Variants in GREM2 observed in about 807,000 individuals in gnomAD.
GREM2 encodes the protein gremlin-2.
GREM2 carries 11 observed loss-of-function variants against 14.2 expected under a neutral mutation model. The ratio of observed to expected loss-of-function variants is 0.78; its 90% CI spans 0.49 to 1.28. The LOEUF is 1.28. GREM2 is among the 50% of genes most tolerant of loss of function. The probability of loss-of-function intolerance (pLI) is 0.00; values close to 1 mark genes in which losing one functional copy is unlikely to be tolerated. For missense variants in GREM2, 210 were observed against 218.5 expected (o/e 0.96, Z 0.24); for synonymous variants, 98 against 97.6 (o/e 1.00, Z -0.02).
chr1:240,587,746 T>C (rs1452165232), intron 1 of GREM2, among the ~76,000 whole-genome samples: 2 of 152,232 alleles, frequency 1.3e-5, no homozygotes. Context: ...CTATAATGAA[T>C]GGCACTCTTA....
At chr1:240,576,682 T>C (rs956179913) in intron 1 of GREM2, among the ~76,000 whole-genome samples, 2 of 152,162 alleles carry the variant, frequency 1.3e-5, no homozygotes, top group South Asian at 4.1e-4. Context: ...CCTTTTAAAC[T>C]TAACTCTTTG....
rs982786201 is a variant in GREM2 at position 240,493,086 on chromosome 1, G to A, written c.390C>T (p.Ser130=). The part of the protein sequence containing the change: ...CAFCKPQRVT[S]VLVELECPGL... ...CGGGGCACTCGAGCTCCACGAGGAC[G>A]GAGGTGACGCGCTGGGGCTTGCAGA... The change falls in exon 2 of 2, where the codon TCC becomes TCT. Residue 130 remains serine (S), a synonymous_variant. Coordinates refer to ENST00000318160, the MANE Select transcript of GREM2 (RefSeq NM_022469.4). 21 of 1,613,912 alleles carry A rather than the reference G, an allele frequency of 1.3e-5. No homozygotes were observed. The highest frequency in any genetic ancestry group is 1.7e-5 in the Non-Finnish European group (20 of 1,179,804).
intron 1 of GREM2, among the ~76,000 whole-genome samples, chr1:240,596,842 T>G (rs1051397411): frequency 1.3e-5 from 2 of 152,156 alleles, no homozygotes; most frequent in Non-Finnish European, 2.9e-5. Context: ...AAACTTACGC[T>G]CTGATAGAAA....
chr1:240,492,698 G>T lies in GREM2; in HGVS notation c.*271C>A. 3.6e-6 allele frequency: 1 copy of T among 280,596 alleles called. No homozygotes were observed. Among genetic ancestry groups the T allele is most frequent in the East Asian group, 6.4e-5 (1 of 15,624 alleles). 17.4% of individuals were successfully genotyped at this position (280,596 alleles called of 1,614,324 possible). A position where few individuals can be genotyped will look rare whatever the true frequency, so the allele number is the denominator to read the frequency against. On this transcript the variant is annotated 3_prime_UTR_variant, in exon 2 of 2. Transcript: ENST00000318160. The stretch of plus-strand genomic sequence containing the variant: ...CCTCTCTGACTGCTGGGTGGCGGTG[G>T]TGGTTTTCCAGCATTTTCCTTCGGG...
intron 1 of GREM2, among the ~76,000 whole-genome samples, chr1:240,545,223 G>A (rs906575590): frequency 5.9e-5 from 9 of 152,170 alleles, no homozygotes; most frequent in Non-Finnish European, 1.2e-4. Flanking sequence ...AATAACCAGC[G>A]ACTTAATCAA....
At chr1:240,599,347 T>C (rs1679876362) in intron 1 of GREM2, among the ~76,000 whole-genome samples, 1 of 151,914 alleles carries the variant, frequency 6.6e-6, no homozygotes, top group African/African-American at 2.4e-5. Flanking sequence ...CCCAGGTGGC[T>C]GCCTGGTTCT....
At chr1:240,545,496 A>C (rs1210771706) in intron 1 of GREM2, among the ~76,000 whole-genome samples, 1 of 42,414 alleles carries the variant, frequency 2.4e-5, no homozygotes, top group East Asian at 9.8e-4. Context: ...AAAATTGTAC[A>C]AATTGTACAA....
intron 1 of GREM2, among the ~76,000 whole-genome samples, chr1:240,511,474 G>C (rs1186556392): frequency 1.3e-5 from 2 of 152,228 alleles, no homozygotes; most frequent in African/African-American, 4.8e-5. Context: ...CTTGAGGCCA[G>C]GCCTGTTGGC....
chr1:240,547,948 T>C (rs1158956104), intron 1 of GREM2, among the ~76,000 whole-genome samples: 2 of 151,138 alleles, frequency 1.3e-5, no homozygotes, highest in Admixed American at 1.3e-4. Flanking sequence ...GAAAGGAAGG[T>C]AGGAGTGATA....
chr1:240,523,112 G>T (rs1294617012), intron 1 of GREM2, among the ~76,000 whole-genome samples: 2 of 151,906 alleles, frequency 1.3e-5, no homozygotes, highest in African/African-American at 4.8e-5. Flanking sequence ...TCTTTTTTTT[G>T]AGACAGAGTT....
intron 1 of GREM2, among the ~76,000 whole-genome samples, chr1:240,496,571 G>A (rs918376549): frequency 6.6e-6 from 1 of 152,116 alleles, no homozygotes; most frequent in South Asian, 2.1e-4. Flanking sequence ...ATCATCTAAC[G>A]AGATAGTATT....
chr1:240,520,205 T>C (rs1678052781), intron 1 of GREM2, among the ~76,000 whole-genome samples: 1 of 152,132 alleles, frequency 6.6e-6, no homozygotes, highest in Admixed American at 6.5e-5. Flanking sequence ...TTTGTGTGTA[T>C]GAGTATGCCA....
At chr1:240,528,130 GTAAACTTCT>G (rs1357703942) in intron 1 of GREM2, among the ~76,000 whole-genome samples, 3 of 152,146 alleles carry the variant, frequency 2.0e-5, no homozygotes, top group African/African-American at 4.8e-5. Context: ...ATAAAGAATA[GTAAACTTCT>G]TATTCCTCTG....
At chr1:240,580,757 G>C (rs1679468216) in intron 1 of GREM2, among the ~76,000 whole-genome samples, 1 of 152,114 alleles carries the variant, frequency 6.6e-6, no homozygotes, top group African/African-American at 2.4e-5. Flanking sequence ...ATTTTTTGAA[G>C]AGATGGTGTC....
chr1:240,525,160 A>G (rs905470728), intron 1 of GREM2, among the ~76,000 whole-genome samples: 3 of 152,086 alleles, frequency 2.0e-5, no homozygotes, highest in Admixed American at 6.6e-5. Context: ...GCTTCTGACC[A>G]TTTCCCAATG....
At chr1:240,514,546 A>G (rs1308359970) in intron 1 of GREM2, among the ~76,000 whole-genome samples, 2 of 152,180 alleles carry the variant, frequency 1.3e-5, no homozygotes, top group Non-Finnish European at 2.9e-5. Context: ...CAGAAACTAG[A>G]GAAGAACAAG....
At chr1:240,507,563 CCT>C (rs1677707092) in intron 1 of GREM2, among the ~76,000 whole-genome samples, 1 of 152,102 alleles carries the variant, frequency 6.6e-6, no homozygotes, top group Admixed American at 6.5e-5. Context: ...AAATTCCTGA[CCT>C]CAAGTGATAC....
At chr1:240,522,583 T>A (rs1197621779) in intron 1 of GREM2, among the ~76,000 whole-genome samples, 1 of 152,232 alleles carries the variant, frequency 6.6e-6, no homozygotes, top group Non-Finnish European at 1.5e-5. Flanking sequence ...CTCTATGTTA[T>A]CAGTTCCTTT....
At chr1:240,548,157 C>A (rs1436465895) in intron 1 of GREM2, among the ~76,000 whole-genome samples, 1 of 151,604 alleles carries the variant, frequency 6.6e-6, no homozygotes, top group Non-Finnish European at 1.5e-5. Context: ...TGCCTGTAAT[C>A]CCAGCTACTC....
Sources: allele counts gnomAD v4.1 joint callset (sites outside exome capture counted in the v4.1 genomes callset), GRCh38; gene constraint gnomAD v4.1.1; transcripts MANE v1.5; gene names NCBI Gene and HGNC (gene_info 2026-07-23, HGNC 2026-07-21).